RILPL1: variants seen among roughly 807,000 people sequenced by gnomAD.
The protein encoded by RILPL1 is Rab interacting lysosomal protein like 1, also known as RILP-like protein 1.
A neutral mutation model predicts 50.3 loss-of-function variants in RILPL1; 33 were observed. That is an observed-to-expected ratio of 0.66 (90% CI 0.50 to 0.88). The LOEUF is 0.88. RILPL1 is among the 40% of genes least tolerant of loss of function. The pLI is 0.00. For missense variants in RILPL1, 418 were observed against 542.5 expected (o/e 0.77, Z 2.28); for synonymous variants, 205 against 228.6 (o/e 0.90, Z 0.93).
intron 2 of RILPL1, chr12:123,515,471 G>A (rs1566139798): frequency 8.6e-5 from 13 of 150,618 alleles, no homozygotes. Flanking sequence ...TGTTTTTTGA[G>A]ACAGAGTCTC....
At chr12:123,477,332 TCTTTC>T (rs909253991) in intron 6 of RILPL1, among the ~76,000 whole-genome samples, 1 of 137,670 alleles carries the variant, frequency 7.3e-6, no homozygotes, top group African/African-American at 2.8e-5. Context: ...TTTCTTTCTT[TCTTTC>T]TTTTTTTTTT....
chr12:123,510,797 A>G (rs1269745105), intron 2 of RILPL1, among the ~76,000 whole-genome samples: 1 of 66,050 alleles, frequency 1.5e-5, no homozygotes, highest in Non-Finnish European at 2.9e-5. Flanking sequence ...TATGTGTGTG[A>G]TGTGTGTGTG....
chr12:123,511,735 GGTGT>G (rs201672632), intron 2 of RILPL1, among the ~76,000 whole-genome samples: 1 of 124,588 alleles, frequency 8.0e-6, no homozygotes, highest in Non-Finnish European at 1.7e-5. Flanking sequence ...TTGTGTGTGT[GGTGT>G]GTGTGAGGTC....
At chr12:123,490,002 G>A (rs971102150) in intron 4 of RILPL1, among the ~76,000 whole-genome samples, 3 of 152,132 alleles carry the variant, frequency 2.0e-5, no homozygotes, top group Non-Finnish European at 2.9e-5. Flanking sequence ...CACTGGCAAC[G>A]CTGGGCTGTT....
In RILPL1 at chr12:123,470,524, C is replaced by CCAGCA. The variant is rs996312342; in HGVS notation, c.*2009_*2013dup. On this transcript the variant is annotated 3_prime_UTR_variant, in exon 7 of 7. Transcript: ENST00000376874. Reference sequence around the variant, plus strand: ...GCCACAGTGGCTCACACCTGTAATCCCAGCACTTTGAGAGGCCAAGGCAGG... The same window carrying CCAGCA: ...GCCACAGTGGCTCACACCTGTAATCCCAGCACAGCACTTTGAGAGGCCAAGGCAGG... The CCAGCA allele has an allele frequency of 6.6e-6, 1 of 152,020 alleles. No homozygotes were observed. Among genetic ancestry groups the CCAGCA allele is most frequent in the African/African-American group, 2.4e-5 (1 of 41,172 alleles). 9.4% of individuals were successfully genotyped at this position (152,020 alleles called of 1,614,324 possible).
intron 1 of RILPL1, among the ~76,000 whole-genome samples, chr12:123,527,243 A>G (rs571082750): frequency 4.3e-4 from 66 of 152,086 alleles, no homozygotes; most frequent in African/African-American, 1.4e-3. Context: ...AGGTGGGAGG[A>G]TCACTTGAGC....
intron 2 of RILPL1, among the ~76,000 whole-genome samples, chr12:123,517,424 GTTT>G (rs59944903): frequency 0.31 from 40,364 of 131,676 alleles, 5,989 homozygotes; most frequent in Non-Finnish European, 0.38. Context: ...TGTTGTTATT[GTTT>G]TTTTTTTTTT....
At chr12:123,523,408 G>A (rs924733796) in intron 2 of RILPL1, 87 bp downstream of exon 2, 31 of 1,500,024 alleles carry the variant, frequency 2.1e-5, no homozygotes, top group African/African-American at 1.5e-4. Context: ...CCGCATCAGC[G>A]TCCAGGGGTG....
chr12:123,526,312 T>TAAAGTA (rs1566147189), intron 1 of RILPL1, among the ~76,000 whole-genome samples: 5 of 65,262 alleles, frequency 7.7e-5, no homozygotes, highest in Non-Finnish European at 2.3e-4. Flanking sequence ...TGTCAAAAAA[T>TAAAGTA]AAAATTAAAA....
intron 1 of RILPL1, among the ~76,000 whole-genome samples, chr12:123,528,264 C>A (rs184509344): frequency 6.7e-6 from 1 of 149,930 alleles, no homozygotes; most frequent in Admixed American, 6.7e-5. Context: ...GAAGCTGAGG[C>A]GGGAGGATTG....
At chr12:123,484,621 CGAA>C (rs1258092078) in intron 5 of RILPL1, among the ~76,000 whole-genome samples, 1 of 150,808 alleles carries the variant, frequency 6.6e-6, no homozygotes, top group Non-Finnish European at 1.5e-5. Context: ...TCCACAAACT[CGAA>C]GAAGTGATCT....
chr12:123,517,209 C>A (rs561943918), intron 2 of RILPL1, among the ~76,000 whole-genome samples: 3 of 152,080 alleles, frequency 2.0e-5, no homozygotes, highest in Non-Finnish European at 2.9e-5. Flanking sequence ...ATGCCGACAG[C>A]CCCCAGAGGC....
At chr12:123,483,314 T>C (rs960359410) in intron 6 of RILPL1, among the ~76,000 whole-genome samples, 9 of 152,220 alleles carry the variant, frequency 5.9e-5, no homozygotes, top group African/African-American at 1.9e-4. Flanking sequence ...CTGCCTCTTA[T>C]TAGCTGAATG....
intron 1 of RILPL1, among the ~76,000 whole-genome samples, chr12:123,531,799 T>A (rs1885450016): frequency 1.3e-5 from 2 of 152,140 alleles, no homozygotes; most frequent in South Asian, 4.1e-4. Context: ...TTGCCCAAGA[T>A]CACACAGCCT....
At chr12:123,520,419 C>T (rs1358184731) in intron 2 of RILPL1, among the ~76,000 whole-genome samples, 2 of 152,092 alleles carry the variant, frequency 1.3e-5, no homozygotes, top group African/African-American at 2.4e-5. Flanking sequence ...ATTAGATGGA[C>T]GTGGTGGCAC....
At chr12:123,513,049 T>TGTG in intron 2 of RILPL1, among the ~76,000 whole-genome samples, 1 of 137,052 alleles carries the variant, frequency 7.3e-6, no homozygotes, top group South Asian at 2.4e-4. Flanking sequence ...TGTGTGAGGT[T>TGTG]TGTGTGTGAG....
chr12:123,507,866 G>A lies in RILPL1; in HGVS notation c.461-8330C>T, dbSNP rs2078938354. Among the ~76,000 whole-genome samples, 4 of 150,172 alleles carry A rather than the reference G, an allele frequency of 2.7e-5. No homozygotes were observed. The South Asian group carries it at 6.3e-4, about 24-fold the overall frequency. On this transcript the variant is annotated intron_variant, in intron 2 of 6. Transcript: ENST00000376874. The stretch of plus-strand genomic sequence containing the variant: ...TGAGGCAGGATAATCACTTGAACCC[G>A]GGAGGTGGAAGTTGCAGTGAGCTGA...
At chr12:123,493,437 C>T (rs914853655) in intron 4 of RILPL1, among the ~76,000 whole-genome samples, 3 of 152,184 alleles carry the variant, frequency 2.0e-5, no homozygotes, top group Non-Finnish European at 1.5e-5. Context: ...CGGGATCCTC[C>T]ATATGCTGAA....
intron 6 of RILPL1, among the ~76,000 whole-genome samples, chr12:123,478,239 G>A (rs1416779931): frequency 1.3e-5 from 2 of 151,754 alleles, no homozygotes; most frequent in African/African-American, 2.4e-5. Flanking sequence ...GGCCTCAAGC[G>A]ATCCCCCCAC....
Sources: allele counts gnomAD v4.1 joint callset (sites outside exome capture counted in the v4.1 genomes callset), GRCh38; gene constraint gnomAD v4.1.1; transcripts MANE v1.5; gene names NCBI Gene and HGNC (gene_info 2026-07-23, HGNC 2026-07-21).